CLTCL1: variants seen among roughly 807,000 people sequenced by gnomAD.
CLTCL1 encodes the protein clathrin heavy chain 2.
Under a neutral mutation model 190.0 loss-of-function variants are expected in CLTCL1, and 159 were observed. The observed-to-expected ratio is 0.84, with a 90% CI of 0.74 to 0.95. The LOEUF (loss-of-function observed/expected upper bound fraction) is 0.95, where lower values mean the gene tolerates loss of function less well. Among genes scored for constraint, CLTCL1 ranks in the 40% least tolerant of loss-of-function variants. The pLI is 0.00. For synonymous variants in CLTCL1, 752 were observed against 769.6 expected (o/e 0.98, Z 0.38); for missense variants, 1,878 against 2,033.4 (o/e 0.92, Z 1.47).
intron 18 of CLTCL1, among the ~76,000 whole-genome samples, chr22:19,218,360 G>A (rs1555950677): frequency 6.6e-6 from 1 of 152,154 alleles, no homozygotes; most frequent in African/African-American, 2.4e-5. Flanking sequence ...TATTAGATTT[G>A]GATGGGTAAG....
intron 2 of CLTCL1, among the ~76,000 whole-genome samples, chr22:19,263,325 A>G (rs1328249056): frequency 6.7e-6 from 1 of 149,528 alleles, no homozygotes; most frequent in Non-Finnish European, 1.5e-5. Context: ...TTGAATTCTT[A>G]GGCTCAAGCG....
At position 19,198,077 on chromosome 22, in the gene CLTCL1, T is replaced by C. The variant is rs2084767264; in HGVS notation, c.3874-1421A>G. Reference sequence around the variant, plus strand: ...CACCATGTGTCCAAAAAGTAATTCTTGTCCTTCCCTCCCGTGCTGCACCTT... The same window carrying C: ...CACCATGTGTCCAAAAAGTAATTCTCGTCCTTCCCTCCCGTGCTGCACCTT... On this transcript the variant is annotated intron_variant, in intron 24 of 32. Transcript: ENST00000427926. The surrounding 1 kb of genome is among the most constrained non-coding windows in gnomAD (Gnocchi z 4.1). Among the ~76,000 whole-genome samples, 1 of 152,172 alleles carries C rather than the reference T, an allele frequency of 6.6e-6. No individual in the cohort carries two copies. The highest frequency in any genetic ancestry group is 1.5e-5 in the Non-Finnish European group (1 of 68,034).
At chr22:19,233,012 A>C (rs2085962519) in intron 9 of CLTCL1, among the ~76,000 whole-genome samples, 154 bp downstream of exon 9, 2 of 152,366 alleles carry the variant, frequency 1.3e-5, no homozygotes, top group South Asian at 4.1e-4. Context: ...AGAGAATAAA[A>C]TATGATCATT....
chr22:19,243,052 G>A (rs2145962601), intron 3 of CLTCL1, 116 bp from the exon 4 acceptor site: 1 of 970,912 alleles, frequency 1.0e-6, no homozygotes, highest in Non-Finnish European at 1.5e-6. Context: ...ACTTCCTCTA[G>A]TAAAAATTAA....
Position 19,203,026 on chromosome 22 carries a change from CA to C in CLTCL1, c.3601-1534del, listed in dbSNP as rs201014409. ...TTCTTTTCTCTAGTTTAAAACAAAACAAAACTGGCCAGGCACAGTGGCTCAC... is the reference window on the plus strand; with the variant it reads ...TTCTTTTCTCTAGTTTAAAACAAAACAAACTGGCCAGGCACAGTGGCTCAC... On this transcript the variant is annotated intron_variant, in intron 22 of 32. Coordinates refer to ENST00000427926, the MANE Select transcript of CLTCL1 (RefSeq NM_007098.4). Among the ~76,000 whole-genome samples the C allele has an allele frequency of 6.7e-3, 1,020 of 152,288 alleles. 12 individuals are homozygous for C. The highest frequency in any genetic ancestry group is 0.023 in the African/African-American group (958 of 41,548).
chr22:19,199,252 C>A (rs972870414), intron 24 of CLTCL1, among the ~76,000 whole-genome samples: 2 of 152,190 alleles, frequency 1.3e-5, no homozygotes, highest in African/African-American at 4.8e-5. Context: ...GAGAGCCTAC[C>A]TACAGCATGA....
intron 1 of CLTCL1, among the ~76,000 whole-genome samples, chr22:19,285,300 A>C (rs904688426): frequency 1.3e-5 from 2 of 152,138 alleles, no homozygotes; most frequent in African/African-American, 4.8e-5. Context: ...AAAAAGAAAA[A>C]GAAACTTACC....
At chr22:19,200,839 C>G (rs1011073238) in intron 23 of CLTCL1, among the ~76,000 whole-genome samples, 1 of 152,160 alleles carries the variant, frequency 6.6e-6, no homozygotes, top group African/African-American at 2.4e-5. Context: ...TAGACTCCAT[C>G]TCAAAAACAA....
At position 19,235,959 on chromosome 22, in the gene CLTCL1, G is replaced by A. The variant is rs879972038; in HGVS notation, c.796-90C>T. ...CTCACAAATGATAAAGAGGATTCTT[G>A]TTTGTTTGTTTGTTTTTTGAGATAG... On this transcript the variant is annotated intron_variant, in intron 5 of 32. Coordinates refer to ENST00000427926, the MANE Select transcript of CLTCL1 (RefSeq NM_007098.4). 135 of 1,125,462 alleles carry A rather than the reference G, an allele frequency of 1.2e-4. No homozygotes were observed. The East Asian group carries it at 3.4e-3, about 28-fold the overall frequency. 69.7% of individuals were successfully genotyped at this position (1,125,462 alleles called of 1,614,324 possible). A position where few individuals can be genotyped will look rare whatever the true frequency, so the allele number is the denominator to read the frequency against.
At chr22:19,225,432 G>A in intron 13 of CLTCL1, 21 bp downstream of exon 13, 1 of 1,547,200 alleles carries the variant, frequency 6.5e-7, no homozygotes, top group Non-Finnish European at 8.8e-7. Context: ...GGTGGGGTCG[G>A]CGAGAGGCTG....
At chr22:19,192,063 C>CT (rs782761355) in intron 26 of CLTCL1, among the ~76,000 whole-genome samples, 55,868 of 118,240 alleles carry the variant, frequency 0.47, 14,592 homozygotes, top group East Asian at 0.67. Flanking sequence ...GCGATGTCAT[C>CT]TTTTTTTTTT....
intron 11 of CLTCL1, 128 bp downstream of exon 11, chr22:19,229,710 A>T: frequency 2.4e-6 from 2 of 825,104 alleles, no homozygotes; most frequent in Non-Finnish European, 3.4e-6. Context: ...GAGAATGTCC[A>T]CTGAGAAGTA....
At chr22:19,251,122 G>A (rs549891637) in intron 3 of CLTCL1, among the ~76,000 whole-genome samples, 4 of 150,282 alleles carry the variant, frequency 2.7e-5, no homozygotes, top group South Asian at 2.1e-4. Context: ...AATATTTTTC[G>A]ATTTAGATCT....
chr22:19,187,480 G>T, intron 29 of CLTCL1, 78 bp downstream of exon 29: 1 of 1,459,344 alleles, frequency 6.9e-7, no homozygotes, highest in Non-Finnish European at 9.4e-7. Flanking sequence ...GAACAAGAGG[G>T]AAGGGATGTG....
intron 5 of CLTCL1, among the ~76,000 whole-genome samples, chr22:19,238,240 C>A (rs2086143086): frequency 6.6e-6 from 1 of 152,130 alleles, no homozygotes; most frequent in South Asian, 2.1e-4. Context: ...CAGGTGCACA[C>A]CGCCATGCCC....
At chr22:19,257,919 C>G (rs552625238) in intron 2 of CLTCL1, 99 of 1,209,082 alleles carry the variant, frequency 8.2e-5, no homozygotes, top group Non-Finnish European at 6.5e-5. Context: ...TTCAAGACCA[C>G]TGAGAAGCTG....
At position 19,187,578 on chromosome 22, in the gene CLTCL1, T is replaced by C. The variant is rs782562132; in HGVS notation, c.4585A>G (p.Lys1529Glu). ...CCAACCTTGTAGAGATGATCCTTCTTGCAGAGCTCCACGCTCTGGGCCCAC... is the reference window on the plus strand; with the variant it reads ...CCAACCTTGTAGAGATGATCCTTCTCGCAGAGCTCCACGCTCTGGGCCCAC... The part of the protein sequence containing the change: ...NWWAQSVELC[K>E]KDHLYKDAMQ... Residue 1529 changes from lysine (K) to glutamate (E), a missense_variant, in exon 29 of 33, where the codon AAG (lysine) becomes GAG (glutamate). Physicochemically the swap from Lys to Glu is moderately conservative, Grantham distance 56 (BLOSUM62 1). Coordinates refer to ENST00000427926, the MANE Select transcript of CLTCL1 (RefSeq NM_007098.4). The C allele has an allele frequency of 1.4e-5, 22 of 1,612,322 alleles. No homozygotes were observed. The highest frequency in any genetic ancestry group is 1.1e-4 in the South Asian group (10 of 91,028).
intron 3 of CLTCL1, among the ~76,000 whole-genome samples, chr22:19,253,491 A>C (rs807429): frequency 0.23 from 35,323 of 152,042 alleles, 4,989 homozygotes; most frequent in African/African-American, 0.39. Flanking sequence ...TTCTTATAAA[A>C]CTATGGGTTC....
intron 21 of CLTCL1, 115 bp downstream of exon 21, chr22:19,208,807 T>C (rs2085129460): frequency 1.2e-6 from 1 of 850,302 alleles, no homozygotes; most frequent in Non-Finnish European, 1.8e-6. Flanking sequence ...ATGTGCCCTC[T>C]GATATCTCTG....
Sources: allele counts gnomAD v4.1 joint callset (sites outside exome capture counted in the v4.1 genomes callset), GRCh38; gene constraint gnomAD v4.1.1; non-coding constraint Gnocchi (gnomAD v3.1); transcripts MANE v1.5; gene names NCBI Gene and HGNC (gene_info 2026-07-23, HGNC 2026-07-21).